The following OOSP1 variants were observed in gnomAD, a reference collection of about 807,000 sequenced individuals.
The protein encoded by OOSP1 is oocyte secreted protein 1.
A neutral mutation model predicts 5.7 loss-of-function variants in OOSP1; 11 were observed. The observed-to-expected ratio is 1.94, with a 90% CI of 1.22 to 3.20. The LOEUF is 3.20. Ranked by LOEUF, OOSP1 falls within the 30% of genes most tolerant of loss-of-function variation. OOSP1 has a pLI of 0.00. For missense variants in OOSP1, 83 were observed against 54.1 expected, an observed-to-expected ratio of 1.53 and a Z score of -1.67; for synonymous variants, 44 against 20.0, an observed-to-expected ratio of 2.20 and a Z score of -3.20.
chr11:59,946,401 G>C (rs995568300), intron 3 of OOSP1, among the ~76,000 whole-genome samples: 1 of 152,132 alleles, frequency 6.6e-6, no homozygotes, highest in African/African-American at 2.4e-5. Flanking sequence ...GTCCACCTCC[G>C]TGACCCCATC....
chr11:59,946,876 T>C (rs772751676), intron 3 of OOSP1, among the ~76,000 whole-genome samples: 2 of 151,760 alleles, frequency 1.3e-5, no homozygotes, highest in Non-Finnish European at 2.9e-5. Context: ...TAAGTGCTTA[T>C]TTCATATTAT....
chr11:59,943,153 T>A lies in OOSP1; in HGVS notation c.258+125T>A. On this transcript the variant is annotated intron_variant, in intron 2 of 4. Transcript: ENST00000646685. ...TGAGAACATGTGGTGTTTGGTTTTT[T>A]GTCCTTGCGATAGTTTGCTAAGAAT... 3 of 325,478 alleles carry A rather than the reference T, an allele frequency of 9.2e-6. No homozygotes were observed. The East Asian group carries it at 1.8e-4, about 19-fold the overall frequency. 20.2% of individuals were successfully genotyped at this position (325,478 alleles called of 1,614,324 possible).
At chr11:59,946,957 A>G (rs557457459) in intron 3 of OOSP1, among the ~76,000 whole-genome samples, 4 of 145,840 alleles carry the variant, frequency 2.7e-5, no homozygotes, top group East Asian at 2.0e-4. Context: ...CTATCTATCT[A>G]TCTATCTATC....
chr11:59,941,061 A>G (rs1853819519), intron 1 of OOSP1, among the ~76,000 whole-genome samples: 1 of 152,226 alleles, frequency 6.6e-6, no homozygotes, highest in African/African-American at 2.4e-5. Context: ...CACTAATGCC[A>G]AACCTTCTGT....
At chr11:59,950,643 T>C (rs772972947) in intron 4 of OOSP1, among the ~76,000 whole-genome samples, 8 of 152,152 alleles carry the variant, frequency 5.3e-5, no homozygotes, top group Admixed American at 1.3e-4. Flanking sequence ...CTAAGCGTTG[T>C]CCATTAGATC....
chr11:59,943,291 T>C (rs1040236825), intron 2 of OOSP1, among the ~76,000 whole-genome samples: 6 of 151,846 alleles, frequency 4.0e-5, no homozygotes, highest in Non-Finnish European at 8.8e-5. Context: ...CACACCAACA[T>C]GGCACATGTA....
At chr11:59,944,632 C>T (rs78054372) in intron 2 of OOSP1, among the ~76,000 whole-genome samples, 1,545 of 152,094 alleles carry the variant, frequency 0.01, 23 homozygotes, top group African/African-American at 0.036. Flanking sequence ...CCATTCCACC[C>T]CACCCCCCTG....
intron 2 of OOSP1, 50 bp downstream of exon 2, chr11:59,943,078 T>G (rs1853847696): frequency 1.4e-6 from 1 of 690,804 alleles, no homozygotes; most frequent in Non-Finnish European, 2.6e-6. Flanking sequence ...GTGTGTGATG[T>G]TCCCCTTCCT....
chr11:59,951,467 C>T lies in OOSP1; in HGVS notation c.486+3605C>T, dbSNP rs77320048. On this transcript the variant is annotated intron_variant, in intron 4 of 4. Coordinates refer to ENST00000646685, the Ensembl canonical transcript of OOSP1. ...GCATATACAGCGCCTGAATTCATTG[C>T]GAGCTATAAAGTCACACGAGGCAGC... Among the ~76,000 whole-genome samples, 1,070 of 152,110 alleles carry T rather than the reference C, an allele frequency of 7.0e-3. 8 individuals are homozygous for T. Among genetic ancestry groups the T allele is most frequent in the South Asian group, 0.027 (129 of 4,806 alleles).
At chr11:59,945,300 C>T in intron 3 of OOSP1, 34 bp downstream of exon 3, 1 of 702,862 alleles carries the variant, frequency 1.4e-6, no homozygotes, top group Non-Finnish European at 2.6e-6. Flanking sequence ...TGTCCTAGCC[C>T]CTGGCTTCAT....
At chr11:59,957,140 A>T (rs964501360) in intron 4 of OOSP1, 55 bp from the exon 5 acceptor site, 5 of 396,452 alleles carry the variant, frequency 1.3e-5, no homozygotes, top group Non-Finnish European at 2.2e-5. Context: ...ATTCTGTAAA[A>T]ATTTAACTGT....
intron 4 of OOSP1, among the ~76,000 whole-genome samples, chr11:59,949,465 C>G (rs1853918181): frequency 6.6e-6 from 1 of 151,366 alleles, no homozygotes; most frequent in Non-Finnish European, 1.5e-5. Flanking sequence ...GCCGTTCACA[C>G]ATGTACCCTA....
intron 4 of OOSP1, among the ~76,000 whole-genome samples, chr11:59,948,242 A>G (rs546057297): frequency 1.3e-5 from 2 of 152,310 alleles, no homozygotes; most frequent in South Asian, 4.1e-4. Context: ...GATCCCTGGG[A>G]AAGTGAACTC....
chr11:59,950,531 G>A (rs964678579), intron 4 of OOSP1, among the ~76,000 whole-genome samples: 5 of 152,192 alleles, frequency 3.3e-5, no homozygotes, highest in Non-Finnish European at 5.9e-5. Context: ...AGACAGTAAG[G>A]TCAATTGGAA....
rs1332572756 is a variant in OOSP1, at chr11:59,949,827, G to A, written c.486+1965G>A. ...GAAGCAGCGACTGAAGTAGGGAGAAGGATTAGGTAGTGATGACTACAAGGC... is the reference window on the plus strand; with the variant it reads ...GAAGCAGCGACTGAAGTAGGGAGAAAGATTAGGTAGTGATGACTACAAGGC... On this transcript the variant is annotated intron_variant, in intron 4 of 4. Coordinates refer to ENST00000646685, the Ensembl canonical transcript of OOSP1. Among the ~76,000 whole-genome samples, 2 of 152,180 alleles carry A rather than the reference G, an allele frequency of 1.3e-5. 1 individual carries two copies. The highest frequency in any genetic ancestry group is 3.9e-4 in the East Asian group (2 of 5,190).
chr11:59,941,123 A>G (rs528294462), intron 1 of OOSP1, among the ~76,000 whole-genome samples: 1 of 152,066 alleles, frequency 6.6e-6, no homozygotes, highest in African/African-American at 2.4e-5. Context: ...CATTTCTACA[A>G]TTTTGTCATT....
At chr11:59,955,248 A>T (rs761248216) in intron 4 of OOSP1, among the ~76,000 whole-genome samples, 3 of 152,152 alleles carry the variant, frequency 2.0e-5, no homozygotes, top group Non-Finnish European at 4.4e-5. Flanking sequence ...TCAACCATGA[A>T]CTATCTTTTT....
intron 4 of OOSP1, among the ~76,000 whole-genome samples, chr11:59,950,560 G>C (rs1853929757): frequency 6.6e-6 from 1 of 152,166 alleles, no homozygotes; most frequent in South Asian, 2.1e-4. Flanking sequence ...AGGGCAGAGT[G>C]GGGTCCTGGG....
intron 1 of OOSP1, among the ~76,000 whole-genome samples, chr11:59,940,550 T>C (rs1176675730): frequency 6.6e-6 from 1 of 152,252 alleles, no homozygotes; most frequent in Non-Finnish European, 1.5e-5. Flanking sequence ...TTTGTAGCTT[T>C]GGTATATTTT....
Sources: allele counts gnomAD v4.1 joint callset (sites outside exome capture counted in the v4.1 genomes callset), GRCh38; gene constraint gnomAD v4.1.1; transcripts MANE v1.5; gene names NCBI Gene and HGNC (gene_info 2026-07-23, HGNC 2026-07-21).